The following AKT3 variants were observed in gnomAD, a reference collection of about 807,000 sequenced individuals.
AKT3 encodes the protein RAC-gamma serine/threonine-protein kinase.
In AKT3, 15 loss-of-function variants were observed where a neutral mutation model predicts 65.3. The ratio of observed to expected loss-of-function variants is 0.23; its 90% CI spans 0.15 to 0.35. AKT3 has a LOEUF of 0.35. Among genes scored for constraint, AKT3 ranks in the 10% least tolerant of loss-of-function variants. The pLI, the probability that AKT3 is intolerant of heterozygous loss-of-function variation, is 1.00. For missense variants in AKT3, 243 were observed against 576.5 expected, an observed-to-expected ratio of 0.42 and a Z score of 5.92; for synonymous variants, 206 against 183.8, an observed-to-expected ratio of 1.12 and a Z score of -0.98.
intron 2 of AKT3, among the ~76,000 whole-genome samples, chr1:243,777,146 G>T (rs746276291): frequency 1.3e-5 from 2 of 152,150 alleles, no homozygotes; most frequent in Non-Finnish European, 2.9e-5. Context: ...CCATGGGATT[G>T]GGGGGAGACG....
intron 6 of AKT3, among the ~76,000 whole-genome samples, chr1:243,634,206 A>T (rs1290380760): frequency 6.6e-6 from 1 of 152,068 alleles, no homozygotes; most frequent in Non-Finnish European, 1.5e-5. Flanking sequence ...TGTAAATGTT[A>T]TGTAAATAGC....
intron 2 of AKT3, chr1:243,788,842 T>C (rs536614459): frequency 1.3e-5 from 2 of 152,428 alleles, no homozygotes; most frequent in East Asian, 3.8e-4. Flanking sequence ...AATGAGACAA[T>C]AAAGTTTGCC....
At chr1:243,688,600 A>T (rs1684490160) in intron 3 of AKT3, among the ~76,000 whole-genome samples, 1 of 152,178 alleles carries the variant, frequency 6.6e-6, no homozygotes, top group Admixed American at 6.6e-5. Flanking sequence ...TGAAGCACTG[A>T]GCTAGGATGG....
chr1:243,660,774 C>T (rs1210792893), intron 4 of AKT3, among the ~76,000 whole-genome samples: 1 of 152,106 alleles, frequency 6.6e-6, no homozygotes, highest in Non-Finnish European at 1.5e-5. Flanking sequence ...TCAAATTGTC[C>T]CTGTTTGCAG....
intron 3 of AKT3, among the ~76,000 whole-genome samples, chr1:243,686,642 TATA>T (rs1684324598): frequency 3.9e-5 from 1 of 25,772 alleles, no homozygotes; most frequent in Non-Finnish European, 1.1e-4. Flanking sequence ...TATATATATA[TATA>T]TATATATTTT....
At chr1:243,742,159 A>G (rs1163810362) in intron 2 of AKT3, among the ~76,000 whole-genome samples, 1 of 152,060 alleles carries the variant, frequency 6.6e-6, no homozygotes, top group African/African-American at 2.4e-5. Flanking sequence ...GGAATTTGGT[A>G]TCCACAAGGG....
In AKT3 at chr1:243,581,337, G is replaced by C. The variant is rs1056219513; in HGVS notation, c.697-8289C>G. Among the ~76,000 whole-genome samples the C allele has an allele frequency of 5.3e-5, 8 of 152,220 alleles. No individual in the cohort carries two copies. The South Asian group carries it at 1.7e-3, about 31-fold the overall frequency. On this transcript the variant is annotated intron_variant, in intron 8 of 13. Transcript: ENST00000673466. ...CTGTGGCAACAAAGAGCTTCTGCCA[G>C]TAAACAAGTATCAAGGTATACACTA...
intron 2 of AKT3, among the ~76,000 whole-genome samples, chr1:243,775,610 A>G (rs1196884611): frequency 6.6e-6 from 1 of 152,222 alleles, no homozygotes; most frequent in Non-Finnish European, 1.5e-5. Context: ...CCAAAAACGA[A>G]AGAATAGGAA....
intron 2 of AKT3, among the ~76,000 whole-genome samples, chr1:243,837,582 A>G (rs1292657099): frequency 6.6e-6 from 1 of 152,222 alleles, no homozygotes; most frequent in Admixed American, 6.5e-5. Context: ...CCATGACCAA[A>G]TGGAATTTAT....
At chr1:243,780,495 T>C (rs1308430467) in intron 2 of AKT3, among the ~76,000 whole-genome samples, 2 of 151,820 alleles carry the variant, frequency 1.3e-5, no homozygotes, top group Non-Finnish European at 1.5e-5. Flanking sequence ...GGAGGCATCA[T>C]GTCTCAAATT....
chr1:243,693,258 A>G (rs1206342782), intron 3 of AKT3, among the ~76,000 whole-genome samples: 10 of 75,306 alleles, frequency 1.3e-4, no homozygotes, highest in African/African-American at 6.2e-4. Context: ...ATATATATAT[A>G]TATATATATA....
At chr1:243,540,455 C>T (rs945094058) in intron 12 of AKT3, among the ~76,000 whole-genome samples, 1 of 152,110 alleles carries the variant, frequency 6.6e-6, no homozygotes, top group African/African-American at 2.4e-5. Context: ...ATAAAGGAGG[C>T]ATAAAACATC....
intron 8 of AKT3, among the ~76,000 whole-genome samples, chr1:243,576,046 A>C (rs974529637): frequency 2.4e-4 from 37 of 152,144 alleles, no homozygotes; most frequent in Non-Finnish European, 1.5e-5. Flanking sequence ...GTATGAAAGA[A>C]TTTTAGCTTA....
chr1:243,766,290 T>C (rs958964711), intron 2 of AKT3, among the ~76,000 whole-genome samples: 3 of 152,140 alleles, frequency 2.0e-5, no homozygotes, highest in African/African-American at 7.2e-5. Context: ...CCCTACTGTG[T>C]GTAAGACTAC....
intron 8 of AKT3, among the ~76,000 whole-genome samples, chr1:243,600,208 A>C (rs1022832235): frequency 6.6e-6 from 1 of 152,114 alleles, no homozygotes; most frequent in African/African-American, 2.4e-5. Context: ...ATCAGAAGAC[A>C]ACACTGTGAA....
chr1:243,604,565 T>A (rs1345738583), intron 8 of AKT3, among the ~76,000 whole-genome samples: 2 of 152,196 alleles, frequency 1.3e-5, no homozygotes, highest in African/African-American at 2.4e-5. Flanking sequence ...CTTAGTGATA[T>A]AATGTATAGT....
chr1:243,637,505 G>T, intron 6 of AKT3, 106 bp downstream of exon 6: 2 of 871,782 alleles, frequency 2.3e-6, no homozygotes, highest in Non-Finnish European at 3.3e-6. Context: ...ACCATATTTT[G>T]GTTGTTTAAT....
intron 2 of AKT3, among the ~76,000 whole-genome samples, chr1:243,717,878 A>C (rs1441034198): frequency 6.6e-6 from 1 of 152,262 alleles, no homozygotes. Flanking sequence ...CATAAAACAT[A>C]CATTGTACAT....
In AKT3 at chr1:243,722,221, C is replaced by T. The variant is rs146334487; in HGVS notation, c.47-26505G>A. On this transcript the variant is annotated intron_variant, in intron 2 of 13. Transcript: ENST00000673466. ...TATTCGTGTTGCAAGGACTAGACTG[C>T]GAGCTTAAGGTTTTATTATATTATG... Among the ~76,000 whole-genome samples the T allele has an allele frequency of 1.5e-3, 234 of 152,128 alleles. 1 individual carries two copies. Among genetic ancestry groups the T allele is most frequent in the African/African-American group, 5.4e-3 (226 of 41,502 alleles).
Sources: gnomAD v4.1 joint callset for allele counts (sites outside exome capture counted in the v4.1 genomes callset) on GRCh38, gnomAD v4.1.1 for gene constraint, MANE v1.5 for transcripts, NCBI Gene and HGNC (gene_info 2026-07-23, HGNC 2026-07-21) for gene names.